Variants in USP22 observed in about 807,000 individuals in gnomAD.
USP22 encodes ubiquitin carboxyl-terminal hydrolase 22.
A neutral mutation model predicts 68.1 loss-of-function variants in USP22; 22 were observed. The ratio of observed to expected loss-of-function variants is 0.32; its 90% CI spans 0.23 to 0.46. The LOEUF (loss-of-function observed/expected upper bound fraction) is 0.46. USP22 is among the 20% of genes least tolerant of loss of function. The pLI, the probability that USP22 is intolerant of heterozygous loss-of-function variation, is 1.00. For missense variants in USP22, 433 were observed against 695.8 expected, an observed-to-expected ratio of 0.62 and a Z score of 4.25; for synonymous variants, 279 against 274.2, an observed-to-expected ratio of 1.02 and a Z score of -0.17.
rs914325922 is a variant in USP22, at chr17:21,028,434, G to A, written c.304+108C>T. The A allele has an allele frequency of 2.2e-5, 33 of 1,524,384 alleles. No individual in the cohort carries two copies. In the East Asian group the frequency reaches 5.7e-4, roughly 26 times the overall value. The allele number at this position is 1,524,384 out of a possible 1,614,324, so 94.4% of individuals were successfully genotyped here. ...CCAGTGAGGGGCACGCATTACTTGA[G>A]ACAAACGACAAAGTGGACTTTTGGA... On this transcript the variant is annotated intron_variant, in intron 2 of 12. Coordinates refer to ENST00000261497, the MANE Select transcript of USP22 (RefSeq NM_015276.2).
intron 10 of USP22, 155 bp from the exon 11 acceptor site, chr17:21,005,145 G>T: frequency 1.2e-6 from 1 of 859,766 alleles, no homozygotes; most frequent in African/African-American, 1.7e-5. Context: ...CATGTTTCGT[G>T]AGGACACTGA....
chr17:21,040,870 G>A (rs1972419735), intron 1 of USP22, among the ~76,000 whole-genome samples: 1 of 147,812 alleles, frequency 6.8e-6, no homozygotes, highest in Non-Finnish European at 1.5e-5. Flanking sequence ...TAGAAGACTG[G>A]CTTCAACCAG....
In USP22 at chr17:21,003,025, A is replaced by G. The variant is rs749488956; in HGVS notation, c.*6T>C. The G allele has an allele frequency of 1.2e-5, 20 of 1,613,648 alleles. No homozygotes were observed. In the Admixed American group the frequency reaches 3.0e-4, roughly 24 times the overall value. Reference sequence around the variant, plus strand: ...CCTTTGTTTTTCTGACCAGCTGCAGATAAGGCTACTCGTATTCCAGGAACT... The same window carrying G: ...CCTTTGTTTTTCTGACCAGCTGCAGGTAAGGCTACTCGTATTCCAGGAACT... On this transcript the variant is annotated 3_prime_UTR_variant, in exon 13 of 13. Coordinates refer to ENST00000261497, the MANE Select transcript of USP22 (RefSeq NM_015276.2).
At chr17:21,017,377 G>T (rs959859539) in intron 5 of USP22, among the ~76,000 whole-genome samples, 1 of 152,242 alleles carries the variant, frequency 6.6e-6, no homozygotes, top group Non-Finnish European at 1.5e-5. Flanking sequence ...TCTAGGTCAC[G>T]GAGCCGGTGA....
At chr17:21,020,244 C>CAAAAAAAAAAAAAACAAAAA (rs1972136597) in intron 3 of USP22, among the ~76,000 whole-genome samples, 1 of 73,250 alleles carries the variant, frequency 1.4e-5, no homozygotes, top group Non-Finnish European at 2.5e-5. Context: ...AATCAAAAAC[C>CAAAAAAAAAAAAAACAAAAA]AAAAAAAAAA....
At chr17:21,039,585 C>G (rs1972401083) in intron 1 of USP22, among the ~76,000 whole-genome samples, 1 of 152,040 alleles carries the variant, frequency 6.6e-6, no homozygotes, top group African/African-American at 2.4e-5. Context: ...AGTTTTACTG[C>G]AATTCAAGCT....
chr17:21,015,317 A>G (rs1914096718), intron 6 of USP22, among the ~76,000 whole-genome samples: 1 of 152,196 alleles, frequency 6.6e-6, no homozygotes, highest in East Asian at 1.9e-4. Context: ...TGGCTATTTC[A>G]GAGCAACCAT....
At chr17:21,008,033 G>C (rs1913832834) in intron 8 of USP22, 37 bp from the exon 9 acceptor site, 1 of 1,596,390 alleles carries the variant, frequency 6.3e-7, no homozygotes, top group Admixed American at 1.7e-5. Flanking sequence ...CGGTAAGGGA[G>C]ATGCAAGAGA....
chr17:21,004,910 C>T lies in USP22; in HGVS notation c.1385+18G>A. The T allele has an allele frequency of 6.2e-7, 1 of 1,613,820 alleles. No homozygotes were observed. Among genetic ancestry groups the T allele is most frequent in the Non-Finnish European group, 8.5e-7 (1 of 1,179,806 alleles). ...TGGCCAGAGGCCCTGGACACCCACA[C>T]CGCTAAGCACCACTTACTTGTTGTC... On this transcript the variant is annotated intron_variant, in intron 11 of 12. Transcript: ENST00000261497.
At chr17:21,028,381 G>A (rs750431687) in intron 2 of USP22, among the ~76,000 whole-genome samples, 161 bp downstream of exon 2, 2 of 152,086 alleles carry the variant, frequency 1.3e-5, no homozygotes, top group African/African-American at 2.4e-5. Flanking sequence ...AGCTGAGCTC[G>A]GCTTGTCCCT....
At chr17:21,038,460 G>A (rs1972383760) in intron 1 of USP22, among the ~76,000 whole-genome samples, 1 of 152,112 alleles carries the variant, frequency 6.6e-6, no homozygotes, top group Non-Finnish European at 1.5e-5. Flanking sequence ...ACTTAGCTCA[G>A]AAGTTCAAGA....
chr17:21,015,239 T>C (rs1311549871), intron 6 of USP22, among the ~76,000 whole-genome samples: 3 of 152,188 alleles, frequency 2.0e-5, no homozygotes, highest in South Asian at 4.1e-4. Flanking sequence ...TGGGACTATG[T>C]TGGGGGAGAT....
intron 7 of USP22, among the ~76,000 whole-genome samples, chr17:21,011,916 A>C (rs746398083): frequency 2.6e-5 from 4 of 152,234 alleles, no homozygotes; most frequent in African/African-American, 4.8e-5. Flanking sequence ...GACAGCGAGG[A>C]GGTCCAAATT....
rs369761810 is a variant in USP22, at chr17:21,000,738, CTCCTT to C, written c.*2288_*2292del. The C allele has an allele frequency of 1.3e-4, 20 of 152,256 alleles. No individual in the cohort carries two copies. The highest frequency in any genetic ancestry group is 4.1e-4 in the African/African-American group (17 of 41,458). 9.4% of individuals were successfully genotyped at this position (152,256 alleles called of 1,614,324 possible). A position where few individuals can be genotyped will look rare whatever the true frequency, so the allele number is the denominator to read the frequency against. ...TCCTGTGGGCCAACTTCAGTCAACT[CTCCTT>C]TCCATTAGATTTGTTCCTAATTAAA... On this transcript the variant is annotated 3_prime_UTR_variant, in exon 13 of 13. Transcript: ENST00000261497.
intron 5 of USP22, 45 bp from the exon 6 acceptor site, chr17:21,015,944 A>C: frequency 6.2e-7 from 1 of 1,600,060 alleles, no homozygotes; most frequent in South Asian, 1.1e-5. Flanking sequence ...ATAAATGTAG[A>C]CTCTGAACAC....
At chr17:21,038,286 A>T (rs1972381751) in intron 1 of USP22, among the ~76,000 whole-genome samples, 1 of 152,120 alleles carries the variant, frequency 6.6e-6, no homozygotes, top group East Asian at 1.9e-4. Flanking sequence ...AATGAGCTAG[A>T]CTATGAAAAT....
chr17:21,014,736 A>C (rs1348645447), intron 6 of USP22, among the ~76,000 whole-genome samples: 1 of 151,972 alleles, frequency 6.6e-6, no homozygotes, highest in Non-Finnish European at 1.5e-5. Context: ...TCAGAACAGG[A>C]CTCTGTTCTC....
intron 2 of USP22, among the ~76,000 whole-genome samples, chr17:21,022,676 A>G (rs1356376813): frequency 1.3e-5 from 2 of 152,024 alleles, no homozygotes; most frequent in South Asian, 2.1e-4. Context: ...GCAGGCACCT[A>G]TAGTCCCAGC....
Position 21,035,932 on chromosome 17 carries a change from G to A in USP22, c.171+6733C>T, listed in dbSNP as rs922759342. ...TGTAGTCCCAGTTACTCGGGAGGCT[G>A]AGGCAAGAGAATGGCGTGAACCCAG... On this transcript the variant is annotated intron_variant, in intron 1 of 12. Coordinates refer to ENST00000261497, the MANE Select transcript of USP22 (RefSeq NM_015276.2). 4.0e-5 allele frequency among the ~76,000 whole-genome samples: 6 copies of A among 149,626 alleles called. No homozygotes were observed. In the Admixed American group the frequency reaches 4.1e-4, roughly 10 times the overall value.
Sources: allele counts gnomAD v4.1 joint callset (sites outside exome capture counted in the v4.1 genomes callset), GRCh38; gene constraint gnomAD v4.1.1; transcripts MANE v1.5; gene names NCBI Gene and HGNC (gene_info 2026-07-23, HGNC 2026-07-21).